The following HCN3 variants were observed in gnomAD, a reference collection of about 807,000 sequenced individuals.
HCN3 encodes the protein potassium/sodium hyperpolarization-activated cyclic nucleotide-gated channel 3.
A neutral mutation model predicts 56.8 loss-of-function variants in HCN3; 36 were observed. The ratio of observed to expected loss-of-function variants is 0.63; its 90% CI spans 0.49 to 0.84. The LOEUF (loss-of-function observed/expected upper bound fraction) is 0.84. HCN3 is among the 40% of genes least tolerant of loss of function. The probability of loss-of-function intolerance (pLI) is 0.00; values close to 1 mark genes in which losing one functional copy is unlikely to be tolerated. For synonymous variants in HCN3, 425 were observed against 439.7 expected, an observed-to-expected ratio of 0.97 and a Z score of 0.42; for missense variants, 930 against 1,079.3, an observed-to-expected ratio of 0.86 and a Z score of 1.94.
In HCN3 at chr1:155,282,275, C is replaced by A; in HGVS notation, c.279-136C>A. 1.2e-6 allele frequency: 1 copy of A among 813,714 alleles called. No homozygotes were observed. Among genetic ancestry groups the A allele is most frequent in the Non-Finnish European group, 1.9e-6 (1 of 514,914 alleles). 50.4% of individuals were successfully genotyped at this position (813,714 alleles called of 1,614,324 possible). A position where few individuals can be genotyped will look rare whatever the true frequency, so the allele number is the denominator to read the frequency against. ...TCCCAAATGGTGGTCCCAACTTATA[C>A]TCCCAACAGCTGTAAACAGTCATTC... On this transcript the variant is annotated intron_variant, in intron 1 of 7. Coordinates refer to ENST00000368358, the MANE Select transcript of HCN3 (RefSeq NM_020897.3). The surrounding 1 kb of genome is among the most constrained non-coding windows in gnomAD (Gnocchi z 4.7).
intron 6 of HCN3, among the ~76,000 whole-genome samples, chr1:155,286,340 T>C (rs144035252): frequency 6.3e-4 from 96 of 152,058 alleles, no homozygotes; most frequent in African/African-American, 2.2e-3. Flanking sequence ...AGAGACGGGG[T>C]TTCACTGTGT....
At position 155,284,740 on chromosome 1, in the gene HCN3, C is replaced by A; in HGVS notation, c.1072C>A (p.Arg358Ser). The A allele has an allele frequency of 6.2e-7, 1 of 1,613,864 alleles. No homozygotes were observed. Among genetic ancestry groups the A allele is most frequent in the South Asian group, 1.1e-5 (1 of 91,056 alleles). The change falls in exon 4 of 8, where the codon CGT becomes AGT. Residue 358 changes from arginine (R) to serine (S), a missense_variant. By Grantham distance (110) the Arg-to-Ser change is moderately radical. Coordinates refer to ENST00000368358, the MANE Select transcript of HCN3 (RefSeq NM_020897.3). This position sits in a 1 kb window ranked among gnomAD's most constrained non-coding sequence, Gnocchi z 4.3. The part of the protein sequence containing the change: ...ALIQSLDSSR[R>S]QYQEKYKQVE... ...CATCCAGTCCCTGGACTCTTCCCGG[C>A]GTCAGTACCAGGAGAAGGTCAGCAG...
chr1:155,284,335 T>C lies in HCN3; in HGVS notation c.870+200T>C. On this transcript the variant is annotated intron_variant, in intron 3 of 7. Transcript: ENST00000368358. The surrounding 1 kb of genome is among the most constrained non-coding windows in gnomAD (Gnocchi z 4.3). Reference sequence around the variant, plus strand: ...TTGGAGGGAGCAGGCAAAGGAAGGGTACCTACCCGGAAGCTGAGGCCCCCA... The same window carrying C: ...TTGGAGGGAGCAGGCAAAGGAAGGGCACCTACCCGGAAGCTGAGGCCCCCA... The C allele has an allele frequency of 1.2e-6, 1 of 833,552 alleles. No homozygotes were observed. Among genetic ancestry groups the C allele is most frequent in the Non-Finnish European group, 1.8e-6 (1 of 549,776 alleles). The allele number at this position is 833,552 out of a possible 1,614,324, so 51.6% of individuals were successfully genotyped here. A position where few individuals can be genotyped will look rare whatever the true frequency, so the allele number is the denominator to read the frequency against.
At position 155,284,602 on chromosome 1, in the gene HCN3, A is replaced by G; in HGVS notation, c.934A>G (p.Ile312Val). The G allele has an allele frequency of 6.2e-7, 1 of 1,613,946 alleles. No homozygotes were observed. Among genetic ancestry groups the G allele is most frequent in the Non-Finnish European group, 8.5e-7 (1 of 1,180,044 alleles). The change falls in exon 4 of 8, where the codon ATT (isoleucine) becomes GTT (valine). Residue 312 changes from isoleucine to valine, a missense_variant. By Grantham distance (29) the Ile-to-Val change is conservative. Transcript: ENST00000368358. This position sits in a 1 kb window ranked among gnomAD's most constrained non-coding sequence, Gnocchi z 4.3. ...LFKAMSHMLCIGYGQQAPVGM... is the reference protein window; with the variant it reads ...LFKAMSHMLCVGYGQQAPVGM... ...CAAGGCCATGAGCCACATGCTGTGCATTGGCTATGGGCAGCAGGCACCTGT... is the reference window on the plus strand; with the variant it reads ...CAAGGCCATGAGCCACATGCTGTGCGTTGGCTATGGGCAGCAGGCACCTGT...
At position 155,282,929 on chromosome 1, in the gene HCN3, TGCTATGGGTGGG is replaced by T; in HGVS notation, c.708+93_708+104del. ...CGGCTGGTGGACTTCTCTAGGAAGA[TGCTATGGGTGGG>T]GCTCCTGGTGACCTTATAGTGTGGG... is the stretch of plus-strand genomic sequence containing the variant. On this transcript the variant is annotated intron_variant, in intron 2 of 7. Coordinates refer to ENST00000368358, the MANE Select transcript of HCN3 (RefSeq NM_020897.3). This position sits in a 1 kb window ranked among gnomAD's most constrained non-coding sequence, Gnocchi z 4.7. The T allele has an allele frequency of 7.6e-7, 1 of 1,314,850 alleles. No individual in the cohort carries two copies. The highest frequency in any genetic ancestry group is 1.0e-6 in the Non-Finnish European group (1 of 963,378). 81.4% of individuals were successfully genotyped at this position (1,314,850 alleles called of 1,614,324 possible). A position where few individuals can be genotyped will look rare whatever the true frequency, so the allele number is the denominator to read the frequency against.
chr1:155,281,809 G>C (rs1271130900), intron 1 of HCN3, among the ~76,000 whole-genome samples: 1 of 151,930 alleles, frequency 6.6e-6, no homozygotes, highest in African/African-American at 2.4e-5. Context: ...TTGAGACAGG[G>C]TCTCGCTCTG....
intron 2 of HCN3, among the ~76,000 whole-genome samples, chr1:155,283,427 T>C (rs1044127504): frequency 6.6e-6 from 1 of 151,778 alleles, no homozygotes; most frequent in African/African-American, 2.4e-5. Context: ...TTATTATACT[T>C]TAAGTTTTAG....
rs910216727 is a variant in HCN3 at position 155,282,989 on chromosome 1, C to G, written c.708+149C>G. The G allele has an allele frequency of 1.4e-5, 11 of 788,854 alleles. No individual in the cohort carries two copies. The highest frequency in any genetic ancestry group is 3.6e-5 in the South Asian group (2 of 55,470). The allele number at this position is 788,854 out of a possible 1,614,324, so 48.9% of individuals were successfully genotyped here. On this transcript the variant is annotated intron_variant, in intron 2 of 7. Transcript: ENST00000368358. This position sits in a 1 kb window ranked among gnomAD's most constrained non-coding sequence, Gnocchi z 4.7. ...GGGGAAGATGGGTGGGGCTTCCGTG[C>G]GTGAGCTCTCTCCAAAACTGGTGGG...
In HCN3 at chr1:155,288,105, C is replaced by T. The variant is rs769365290; in HGVS notation, c.1967C>T (p.Pro656Leu). 4.9e-5 allele frequency: 78 copies of T among 1,607,394 alleles called. No homozygotes were observed. The highest frequency in any genetic ancestry group is 1.5e-4 in the Admixed American group (9 of 59,682). Reference protein sequence around the residue: ...AWRSAGSPASPLVPVRAGPWA... With the variant: ...AWRSAGSPASLLVPVRAGPWA... ...CGCTCAGCAGGCTCTCCAGCTTCCC[C>T]GCTGGTGCCCGTCCGAGCTGGCCCA... The change falls in exon 8 of 8, where the codon CCG (proline) becomes CTG (leucine). Residue 656 changes from proline (P) to leucine (L), a missense_variant. Coordinates refer to ENST00000368358, the MANE Select transcript of HCN3 (RefSeq NM_020897.3). The surrounding 1 kb of genome is among the most constrained non-coding windows in gnomAD (Gnocchi z 6.5).
chr1:155,285,140 C>G lies in HCN3; in HGVS notation c.1090-25C>G. On this transcript the variant is annotated intron_variant, in intron 4 of 7. Transcript: ENST00000368358. The surrounding 1 kb of genome is among the most constrained non-coding windows in gnomAD (Gnocchi z 4.5). ...CAAATCTCTCCCTCTGTCCTCTTGC[C>G]CCTGGCAATGGGCTGGCCCTCCAGT... The G allele has an allele frequency of 6.2e-7, 1 of 1,610,188 alleles. No individual in the cohort carries two copies. Among genetic ancestry groups the G allele is most frequent in the South Asian group, 1.1e-5 (1 of 90,866 alleles).
In HCN3 at chr1:155,283,987, C is replaced by T; in HGVS notation, c.722C>T (p.Thr241Ile). Reference protein sequence around the residue: ...IHQWEEIFHMTYDLASAVVRI... With the variant: ...IHQWEEIFHMIYDLASAVVRI... ...CGGACTCCTCAGATCTTTCACATGA[C>T]CTATGACCTGGCCAGTGCTGTGGTT... The change falls in exon 3 of 8, where the codon ACC becomes ATC. Residue 241 changes from threonine to isoleucine, a missense_variant. Thr to Ile is a moderately conservative substitution (Grantham distance 89, BLOSUM62 -1). Coordinates refer to ENST00000368358, the MANE Select transcript of HCN3 (RefSeq NM_020897.3). 3 of 1,613,994 alleles carry T rather than the reference C, an allele frequency of 1.9e-6. No homozygotes were observed. The highest frequency in any genetic ancestry group is 1.7e-6 in the Non-Finnish European group (2 of 1,179,924).
In HCN3 at chr1:155,282,405, C is replaced by T. The variant is rs781162875; in HGVS notation, c.279-6C>T. 1.1e-5 allele frequency: 17 copies of T among 1,613,652 alleles called. No individual in the cohort carries two copies. Among genetic ancestry groups the T allele is most frequent in the Admixed American group, 1.0e-4 (6 of 60,004 alleles). On this transcript the variant is annotated splice_region_variant and splice_polypyrimidine_tract_variant and intron_variant, in intron 1 of 7. Coordinates refer to ENST00000368358, the MANE Select transcript of HCN3 (RefSeq NM_020897.3). The surrounding 1 kb of genome is among the most constrained non-coding windows in gnomAD (Gnocchi z 4.7). ...GGTCTTACTCCTCATCTCACTCCCA[C>T]CTTAGGTTTTACTGGGACCTGATCA...
intron 1 of HCN3, among the ~76,000 whole-genome samples, chr1:155,279,965 GAGA>G (rs1673954411): frequency 6.6e-6 from 1 of 151,614 alleles, no homozygotes; most frequent in African/African-American, 2.4e-5. Flanking sequence ...TATTTATTTT[GAGA>G]AGGAGTCTCA....
Position 155,277,785 on chromosome 1 carries a change from C to A in HCN3, c.195C>A (p.Phe65Leu). The part of the protein sequence containing the change: ...PTVNKFSLRV[F>L]GSHKAVEIEQ... ...TCAACAAGTTCTCCCTTCGGGTGTTCGGCAGCCACAAAGCAGTGGAAATCG... is the reference window on the plus strand; with the variant it reads ...TCAACAAGTTCTCCCTTCGGGTGTTAGGCAGCCACAAAGCAGTGGAAATCG... The change falls in exon 1 of 8, where the codon TTC becomes TTA. Residue 65 changes from phenylalanine (F) to leucine (L), a missense_variant. Physicochemically the swap from Phe to Leu is conservative, Grantham distance 22. Coordinates refer to ENST00000368358, the MANE Select transcript of HCN3 (RefSeq NM_020897.3). 1 of 1,611,520 alleles carries A rather than the reference C, an allele frequency of 6.2e-7. No homozygotes were observed. Among genetic ancestry groups the A allele is most frequent in the Non-Finnish European group, 8.5e-7 (1 of 1,179,444 alleles).
At position 155,282,495 on chromosome 1, in the gene HCN3, G is replaced by A. The variant is rs115794670; in HGVS notation, c.363G>A (p.Glu121=). 5,403 of 1,614,252 alleles carry A rather than the reference G, an allele frequency of 3.3e-3. 18 individuals carry two copies. Among genetic ancestry groups the A allele is most frequent in the Non-Finnish European group, 4.0e-3 (4,671 of 1,180,058 alleles). Residue 121 remains glutamate, a synonymous_variant, in exon 2 of 8, where the codon GAG becomes GAA. Coordinates refer to ENST00000368358, the MANE Select transcript of HCN3 (RefSeq NM_020897.3). This position sits in a 1 kb window ranked among gnomAD's most constrained non-coding sequence, Gnocchi z 4.7. ...TGGGCATCACCTTCTTCAAGGAGGA[G>A]AACTCCCCGCCTTGGATCGTCTTCA... The part of the protein sequence containing the change: ...LPVGITFFKE[E]NSPPWIVFNV...
rs746241919 is a variant in HCN3, at chr1:155,284,546, C to T, written c.878C>T (p.Ser293Leu). ...ATATACTCTGCCCCTCAGAACCACT[C>T]GTGGGGCCGCCAGTATTCCCATGCC... ...WVSINHMVNH[S>L]WGRQYSHALF... The change falls in exon 4 of 8, where the codon TCG (serine) becomes TTG (leucine). Residue 293 changes from serine (S) to leucine (L), a missense_variant. Transcript: ENST00000368358. This position sits in a 1 kb window ranked among gnomAD's most constrained non-coding sequence, Gnocchi z 4.3. The T allele has an allele frequency of 5.6e-6, 9 of 1,611,782 alleles. No homozygotes were observed. The highest frequency in any genetic ancestry group is 4.4e-5 in the South Asian group (4 of 90,996).
chr1:155,287,898 G>C lies in HCN3; in HGVS notation c.1760G>C (p.Gly587Ala). Residue 587 changes from glycine (G) to alanine (A), a missense_variant, in exon 8 of 8, where the codon GGT becomes GCT. By Grantham distance (60) the Gly-to-Ala change is moderately conservative. Coordinates refer to ENST00000368358, the MANE Select transcript of HCN3 (RefSeq NM_020897.3). ...AGAGACATGGCTCGGGGTGTTCGGG[G>C]TCGGGCCCCGAGCACAGGAGCTCAG... ...HDRDMARGVRGRAPSTGAQLS... is the reference protein window; with the variant it reads ...HDRDMARGVRARAPSTGAQLS... The C allele has an allele frequency of 3.1e-6, 5 of 1,613,974 alleles. No individual in the cohort carries two copies. Among genetic ancestry groups the C allele is most frequent in the East Asian group, 4.5e-5 (2 of 44,862 alleles).
chr1:155,280,061 A>G (rs1673961638), intron 1 of HCN3, among the ~76,000 whole-genome samples: 1 of 149,330 alleles, frequency 6.7e-6, no homozygotes, highest in South Asian at 2.1e-4. Context: ...ATTCTTCTGC[A>G]TCAGCCTCCT....
chr1:155,277,820 G>C lies in HCN3; in HGVS notation c.230G>C (p.Arg77Pro), dbSNP rs771805071. ...SHKAVEIEQE[R>P]VKSAGAWIIH... ...AAAGCAGTGGAAATCGAGCAGGAGC[G>C]GGTGAAGTCAGCGGGGGCCTGGATC... Residue 77 changes from arginine (R) to proline (P), a missense_variant, in exon 1 of 8, where the codon CGG (arginine) becomes CCG (proline). Physicochemically the swap from Arg to Pro is moderately radical, Grantham distance 103 (BLOSUM62 -2). Transcript: ENST00000368358. The C allele has an allele frequency of 6.2e-7, 1 of 1,612,318 alleles. No homozygotes were observed. The highest frequency in any genetic ancestry group is 1.3e-5 in the African/African-American group (1 of 74,884).
Sources: gnomAD v4.1 joint callset for allele counts (sites outside exome capture counted in the v4.1 genomes callset) on GRCh38, gnomAD v4.1.1 for gene constraint, Gnocchi (gnomAD v3.1) non-coding constraint, MANE v1.5 for transcripts, NCBI Gene and HGNC (gene_info 2026-07-23, HGNC 2026-07-21) for gene names.